DNAJC6: variants seen among roughly 807,000 people sequenced by gnomAD.
DNAJC6 encodes the protein auxilin.
A neutral mutation model predicts 110.0 loss-of-function variants in DNAJC6; 34 were observed. The ratio of observed to expected loss-of-function variants is 0.31; its 90% confidence interval spans 0.24 to 0.41. The LOEUF (loss-of-function observed/expected upper bound fraction) is 0.41, where lower values mean the gene tolerates loss of function less well. Ranked by LOEUF, DNAJC6 falls within the 10% of genes least tolerant of loss-of-function variation. The pLI, the probability that DNAJC6 is intolerant of heterozygous loss-of-function variation, is 1.00. For missense variants in DNAJC6, 1,031 were observed against 1,207.8 expected (o/e 0.85, Z 2.17); for synonymous variants, 406 against 437.2 (o/e 0.93, Z 0.89).
upstream of DNAJC6, among the ~76,000 whole-genome samples, chr1:65,304,916 A>C (rs770533795): frequency 1.3e-5 from 2 of 152,260 alleles, no homozygotes; most frequent in Non-Finnish European, 2.9e-5. Flanking sequence ...CATTTTAAGA[A>C]GTACAGGACC....
At chr1:65,294,554 A>C (rs1307196103) in intron 1 of DNAJC6, among the ~76,000 whole-genome samples, 1 of 152,002 alleles carries the variant, frequency 6.6e-6, no homozygotes, top group Non-Finnish European at 1.5e-5. Context: ...ATAAGTGGCT[A>C]TTGAGCATTT....
At chr1:65,309,306 C>T (rs931543610), upstream of DNAJC6, among the ~76,000 whole-genome samples, 4 of 151,164 alleles carry the variant, frequency 2.6e-5, no homozygotes, top group Non-Finnish European at 5.9e-5. Flanking sequence ...ACCTCCCCTC[C>T]CTTCCTACCT....
intron 12 of DNAJC6, among the ~76,000 whole-genome samples, chr1:65,393,454 A>G (rs898270965): frequency 1.3e-5 from 2 of 152,188 alleles, no homozygotes; most frequent in African/African-American, 4.8e-5. Context: ...TTCTGAATAT[A>G]TGTGGGCTAT....
At chr1:65,324,747 T>G (rs1570279256) in intron 1 of DNAJC6, among the ~76,000 whole-genome samples, 1 of 152,310 alleles carries the variant, frequency 6.6e-6, no homozygotes, top group African/African-American at 2.4e-5. Context: ...GCCCTCCTCC[T>G]GGGACATTTG....
At chr1:65,292,518 C>A (rs1000338947) in intron 1 of DNAJC6, among the ~76,000 whole-genome samples, 4 of 151,882 alleles carry the variant, frequency 2.6e-5, no homozygotes, top group African/African-American at 9.7e-5. Flanking sequence ...ACAGCTTCGA[C>A]TTCCTGGGCT....
In DNAJC6 at chr1:65,379,428, G is replaced by T. The variant is rs1054219624; in HGVS notation, c.570G>T (p.Arg190Ser). ...TCTCAGAATGCAGTTGGCCCATTAGGCAGGCTCCCAGTCTGCACAACCTTT... is the reference window on the plus strand; with the variant it reads ...TCTCAGAATGCAGTTGGCCCATTAGTCAGGCTCCCAGTCTGCACAACCTTT... ...SRVSECSWPI[R>S]QAPSLHNLFA... The change falls in exon 5 of 19, where the codon AGG becomes AGT. Residue 190 changes from arginine (R) to serine (S), a missense_variant. Coordinates refer to ENST00000371069, the MANE Select transcript of DNAJC6 (RefSeq NM_001256864.2). 5.6e-6 allele frequency: 9 copies of T among 1,613,908 alleles called. No individual in the cohort carries two copies. The Admixed American group carries it at 1.5e-4, about 27-fold the overall frequency.
rs1289063942 is a variant in DNAJC6 at position 65,392,748 on chromosome 1, G to T, written c.1786G>T (p.Ala596Ser). The change falls in exon 12 of 19, where the codon GCT becomes TCT. Residue 596 changes from alanine to serine, a missense_variant. Physicochemically the swap from Ala to Ser is moderately conservative, Grantham distance 99. Coordinates refer to ENST00000371069, the MANE Select transcript of DNAJC6 (RefSeq NM_001256864.2). Reference protein sequence around the residue: ...GGGGAAGPTQAGQSGVEDVFH... With the variant: ...GGGGAAGPTQSGQSGVEDVFH... ...TGGAGGTGCAGCTGGTCCCACCCAG[G>T]CTGGACAGTCAGGAGTGGAAGATGT... is the stretch of plus-strand genomic sequence containing the variant. The T allele has an allele frequency of 2.5e-6, 4 of 1,612,960 alleles. No individual in the cohort carries two copies. Among genetic ancestry groups the T allele is most frequent in the African/African-American group, 2.7e-5 (2 of 74,882 alleles).
intron 1 of DNAJC6, among the ~76,000 whole-genome samples, chr1:65,278,090 A>G (rs1280424865): frequency 6.6e-6 from 1 of 152,256 alleles, no homozygotes; most frequent in Non-Finnish European, 1.5e-5. Flanking sequence ...GTTACAGTCT[A>G]AACCCTTTAC....
In DNAJC6 at chr1:65,415,289, T is replaced by C. The variant is rs1646160573; in HGVS notation, c.*2264T>C. ...AGGTTCAAAAATATTTGTATAAATC[T>C]AAGTTATTTGGGTACTTGTAGGAAT... On this transcript the variant is annotated 3_prime_UTR_variant, in exon 19 of 19. Coordinates refer to ENST00000371069, the MANE Select transcript of DNAJC6 (RefSeq NM_001256864.2). The C allele has an allele frequency of 6.6e-6, 1 of 152,240 alleles. No homozygotes were observed. Among genetic ancestry groups the C allele is most frequent in the African/African-American group, 2.4e-5 (1 of 41,466 alleles). 9.4% of individuals were successfully genotyped at this position (152,240 alleles called of 1,614,324 possible). A position where few individuals can be genotyped will look rare whatever the true frequency, so the allele number is the denominator to read the frequency against.
intron 1 of DNAJC6, among the ~76,000 whole-genome samples, chr1:65,349,672 T>C (rs1298924398): frequency 6.6e-6 from 1 of 152,218 alleles, no homozygotes; most frequent in Non-Finnish European, 1.5e-5. Context: ...ATGTTAGCCA[T>C]TATTGACATT....
At chr1:65,307,221 G>A (rs1645052615), upstream of DNAJC6, among the ~76,000 whole-genome samples, 1 of 151,528 alleles carries the variant, frequency 6.6e-6, no homozygotes, top group South Asian at 2.1e-4. Flanking sequence ...TAGTTTTTAG[G>A]CTGTTGTAAA....
intron 1 of DNAJC6, among the ~76,000 whole-genome samples, chr1:65,340,124 G>A (rs747932812): frequency 2.0e-5 from 3 of 152,142 alleles, no homozygotes; most frequent in African/African-American, 4.8e-5. Flanking sequence ...TATGTTTAAG[G>A]GCACACTGGT....
chr1:65,324,616 CCTAAAGTGCTGGGATTACAGGCGTG>C, intron 1 of DNAJC6, among the ~76,000 whole-genome samples: 1 of 152,286 alleles, frequency 6.6e-6, no homozygotes, highest in Non-Finnish European at 1.5e-5. Context: ...ACCTCAGCCT[CCTAAAGTGCTGGGATTACAGGCGTG>C]AGCCACTGCA....
chr1:65,398,704 GCT>G, intron 13 of DNAJC6, 107 bp from the exon 14 acceptor site: 9 of 1,056,332 alleles, frequency 8.5e-6, no homozygotes, highest in Non-Finnish European at 1.3e-5. Context: ...TTGGGATCTT[GCT>G]GGGGCCATGC....
In DNAJC6 at chr1:65,371,462, A is replaced by G. The variant is rs1357996653; in HGVS notation, c.543+5266A>G. Among the ~76,000 whole-genome samples, 5 of 152,188 alleles carry G rather than the reference A, an allele frequency of 3.3e-5. No homozygotes were observed. In the East Asian group the frequency reaches 9.6e-4, roughly 29 times the overall value. On this transcript the variant is annotated intron_variant, in intron 4 of 18. Coordinates refer to ENST00000371069, the MANE Select transcript of DNAJC6 (RefSeq NM_001256864.2). ...TCTTGCTTAGAGTCATCATGCAGTA[A>G]GTAGTAGCTATGATTAACATTGGTA... is the stretch of plus-strand genomic sequence containing the variant.
chr1:65,395,600 A>G (rs1645968816), intron 13 of DNAJC6, among the ~76,000 whole-genome samples: 1 of 152,172 alleles, frequency 6.6e-6, no homozygotes, highest in South Asian at 2.1e-4. Context: ...ACTTAGTACA[A>G]AAAGGGCATG....
intron 16 of DNAJC6, 122 bp downstream of exon 16, chr1:65,406,255 G>A (rs1646075376): frequency 1.5e-6 from 2 of 1,353,012 alleles, no homozygotes; most frequent in East Asian, 2.4e-5. Context: ...AGTTTCTGAG[G>A]GAATCTTATA....
At chr1:65,376,057 A>G (rs1230537882) in intron 4 of DNAJC6, among the ~76,000 whole-genome samples, 1 of 152,178 alleles carries the variant, frequency 6.6e-6, no homozygotes, top group African/African-American at 2.4e-5. Context: ...TACAGCCTCA[A>G]TCTCATTACT....
intron 17 of DNAJC6, among the ~76,000 whole-genome samples, chr1:65,410,964 G>A (rs1178295058): frequency 6.6e-6 from 1 of 152,156 alleles, no homozygotes; most frequent in Non-Finnish European, 1.5e-5. Flanking sequence ...TTTATATTGA[G>A]TATAACTCTG....
Sources: allele counts gnomAD v4.1 joint callset (sites outside exome capture counted in the v4.1 genomes callset), GRCh38; gene constraint gnomAD v4.1.1; transcripts MANE v1.5; gene names NCBI Gene and HGNC (gene_info 2026-07-23, HGNC 2026-07-21).